USP45: variants seen among roughly 807,000 people sequenced by gnomAD.
USP45 encodes ubiquitin carboxyl-terminal hydrolase 45.
A neutral mutation model predicts 95.8 loss-of-function variants in USP45; 89 were observed. The observed-to-expected ratio is 0.93, with a 90% CI of 0.78 to 1.11. The LOEUF (loss-of-function observed/expected upper bound fraction) is 1.11, where lower values mean the gene tolerates loss of function less well. Ranked by LOEUF, USP45 falls within the 50% of genes least tolerant of loss-of-function variation. The pLI, the probability that USP45 is intolerant of heterozygous loss-of-function variation, is 0.00. For synonymous variants in USP45, 281 were observed against 316.2 expected (o/e 0.89, Z 1.18); for missense variants, 898 against 942.5 (o/e 0.95, Z 0.62).
At chr6:99,478,445 T>C (rs985410522) in intron 8 of USP45, among the ~76,000 whole-genome samples, 2 of 152,102 alleles carry the variant, frequency 1.3e-5, no homozygotes, top group African/African-American at 4.8e-5. Context: ...TTAGTAAAAG[T>C]ATTGCCATGA....
chr6:99,443,592 T>A lies in USP45; in HGVS notation c.2046A>T (p.Leu682=). 1.2e-6 allele frequency: 2 copies of A among 1,608,898 alleles called. No individual in the cohort carries two copies. Among genetic ancestry groups the A allele is most frequent in the Non-Finnish European group, 8.5e-7 (1 of 1,177,090 alleles). Reference sequence around the variant, plus strand: ...GATGAAATCTTTTCAGGTGGAGAATTAGGACAGCTGGAACAGCAGAAATGA... The same window carrying A: ...GATGAAATCTTTTCAGGTGGAGAATAAGGACAGCTGGAACAGCAGAAATGA... ...QLLISAVPAV[L]ILHLKRFHQA... The change falls in exon 15 of 18, where the codon CTA becomes CTT. Residue 682 remains leucine (L), a synonymous_variant. Transcript: ENST00000500704.
chr6:99,509,886 A>T (rs557920879), intron 2 of USP45, among the ~76,000 whole-genome samples: 2 of 152,314 alleles, frequency 1.3e-5, no homozygotes, highest in Admixed American at 6.5e-5. Flanking sequence ...ACATATACCC[A>T]AATCTGTGCA....
chr6:99,437,105 A>G, intron 17 of USP45, 141 bp downstream of exon 17: 1 of 921,142 alleles, frequency 1.1e-6, no homozygotes, highest in Non-Finnish European at 1.6e-6. Context: ...TCAATCAATC[A>G]ATCAATCAAT....
At chr6:99,467,683 G>A (rs988310704) in intron 10 of USP45, among the ~76,000 whole-genome samples, 11 of 151,930 alleles carry the variant, frequency 7.2e-5, no homozygotes, top group Non-Finnish European at 1.3e-4. Flanking sequence ...GAAAAACGGG[G>A]CTGTTATTCT....
intron 4 of USP45, 128 bp downstream of exon 4, chr6:99,507,300 T>C (rs1373292726): frequency 5.0e-5 from 26 of 520,972 alleles, no homozygotes; most frequent in Admixed American, 1.4e-4. Context: ...ATCCCATAGA[T>C]TGTGTTCAGG....
At chr6:99,449,490 C>T (rs1004130467) in intron 13 of USP45, among the ~76,000 whole-genome samples, 5 of 35,996 alleles carry the variant, frequency 1.4e-4, no homozygotes, top group African/African-American at 5.5e-4. Flanking sequence ...TATATGCACC[C>T]AATACAGGAG....
At chr6:99,504,850 A>G (rs1033353800) in intron 4 of USP45, among the ~76,000 whole-genome samples, 9 of 152,304 alleles carry the variant, frequency 5.9e-5, no homozygotes, top group Admixed American at 5.2e-4. Flanking sequence ...AACGTACAGA[A>G]CAGCACAGCA....
At chr6:99,474,664 A>G (rs1790357867) in intron 9 of USP45, among the ~76,000 whole-genome samples, 1 of 152,250 alleles carries the variant, frequency 6.6e-6, no homozygotes, top group Non-Finnish European at 1.5e-5. Flanking sequence ...TCCAATTATG[A>G]CTGACAAGGG....
intron 9 of USP45, among the ~76,000 whole-genome samples, chr6:99,469,047 T>G (rs1305173844): frequency 6.6e-6 from 1 of 152,164 alleles, no homozygotes; most frequent in African/African-American, 2.4e-5. Context: ...TAAGAAGCTA[T>G]CAAGCTGGTT....
chr6:99,493,081 T>G (rs1001275373), intron 5 of USP45, among the ~76,000 whole-genome samples: 1 of 151,928 alleles, frequency 6.6e-6, no homozygotes, highest in African/African-American at 2.4e-5. Context: ...CAGGCTGGAG[T>G]GCAGTGGCAC....
chr6:99,446,240 T>A lies in USP45; in HGVS notation c.1532A>T (p.Glu511Val). 6.2e-7 allele frequency: 1 copy of A among 1,614,154 alleles called. No individual in the cohort carries two copies. Among genetic ancestry groups the A allele is most frequent in the Non-Finnish European group, 8.5e-7 (1 of 1,180,008 alleles). The change falls in exon 14 of 18, where the codon GAA (glutamate) becomes GTA (valine). Residue 511 changes from glutamate to valine, a missense_variant. Glu to Val is a moderately radical substitution (Grantham distance 121). Coordinates refer to ENST00000500704, the MANE Select transcript of USP45 (RefSeq NM_001346022.3). ...CAGCCCAGTCTGCTTTGAAGCACTT[T>A]CAGATTCTGAAGGCTCACTGTCAGC... Reference protein sequence around the residue: ...VDADSEPSESESASKQTGLFR... With the variant: ...VDADSEPSESVSASKQTGLFR...
At chr6:99,445,372 A>G (rs1782317383) in intron 14 of USP45, among the ~76,000 whole-genome samples, 1 of 151,700 alleles carries the variant, frequency 6.6e-6, no homozygotes. Flanking sequence ...AATCTCAGCT[A>G]CTCAGGAGGC....
intron 12 of USP45, 40 bp from the exon 13 acceptor site, chr6:99,464,787 T>A (rs1562349789): frequency 6.5e-7 from 1 of 1,535,434 alleles, no homozygotes; most frequent in South Asian, 1.3e-5. Flanking sequence ...ACCTCTTTAG[T>A]AAATAAATTC....
At chr6:99,502,012 G>A in intron 5 of USP45, 1 of 1,298,074 alleles carries the variant, frequency 7.7e-7, no homozygotes, top group Non-Finnish European at 1.0e-6. Context: ...GCCTGGCCCT[G>A]CCAGAAAGAC....
At chr6:99,481,344 T>C (rs559798052) in intron 8 of USP45, among the ~76,000 whole-genome samples, 8 of 152,304 alleles carry the variant, frequency 5.3e-5, no homozygotes, top group African/African-American at 1.7e-4. Flanking sequence ...GGAGTAAAGA[T>C]AGAGAGGAGT....
At chr6:99,515,770 C>CTTTTTTTTT (rs56926251), upstream of USP45, among the ~76,000 whole-genome samples, 8 of 88,468 alleles carry the variant, frequency 9.0e-5, no homozygotes, top group East Asian at 3.5e-4. Flanking sequence ...CCTCTGAACT[C>CTTTTTTTTT]TTTTTTTTTT....
intron 5 of USP45, among the ~76,000 whole-genome samples, chr6:99,497,595 T>C (rs534408815): frequency 1.2e-3 from 190 of 152,304 alleles, no homozygotes; most frequent in African/African-American, 4.5e-3. Flanking sequence ...ATATGATAAA[T>C]TGATATTAAC....
At chr6:99,447,989 C>A (rs1256847613) in intron 13 of USP45, among the ~76,000 whole-genome samples, 4 of 152,202 alleles carry the variant, frequency 2.6e-5, no homozygotes, top group Non-Finnish European at 5.9e-5. Flanking sequence ...AGGGTCCTGA[C>A]TGTTAGAAGG....
At chr6:99,488,522 T>C (rs1794498514) in intron 6 of USP45, among the ~76,000 whole-genome samples, 159 bp downstream of exon 6, 1 of 152,208 alleles carries the variant, frequency 6.6e-6, no homozygotes, top group Non-Finnish European at 1.5e-5. Context: ...AAGGTACATG[T>C]ATACATATGG....
Sources: gnomAD v4.1 joint callset for allele counts (sites outside exome capture counted in the v4.1 genomes callset) on GRCh38, gnomAD v4.1.1 for gene constraint, MANE v1.5 for transcripts, NCBI Gene and HGNC (gene_info 2026-07-23, HGNC 2026-07-21) for gene names.